ANGPT1: variants seen among roughly 807,000 people sequenced by gnomAD.
ANGPT1 encodes the protein angiopoietin-1.
In ANGPT1, 17 loss-of-function variants were observed where a neutral mutation model predicts 62.2. The observed-to-expected ratio is 0.27, with a 90% CI of 0.19 to 0.41. The LOEUF (loss-of-function observed/expected upper bound fraction) is 0.41, where lower values mean the gene tolerates loss of function less well. Among genes scored for constraint, ANGPT1 ranks in the 10% least tolerant of loss-of-function variants. The pLI is 1.00. For synonymous variants in ANGPT1, 199 were observed against 198.9 expected (o/e 1.00, Z 0.00); for missense variants, 478 against 594.9 (o/e 0.80, Z 2.04).
intron 1 of ANGPT1, among the ~76,000 whole-genome samples, chr8:107,471,487 T>C (rs888390883): frequency 2.6e-5 from 4 of 151,968 alleles, no homozygotes; most frequent in African/African-American, 9.7e-5. Flanking sequence ...AAAACCACCA[T>C]AGCACATGTA....
intron 1 of ANGPT1, among the ~76,000 whole-genome samples, chr8:107,443,807 GA>G (rs1054476417): frequency 8.4e-6 from 1 of 119,084 alleles, no homozygotes; most frequent in Non-Finnish European, 1.7e-5. Flanking sequence ...CAACAAGAGC[GA>G]AACTATGTCT....
At chr8:107,355,123 A>C (rs1196603034) in intron 1 of ANGPT1, among the ~76,000 whole-genome samples, 1 of 151,962 alleles carries the variant, frequency 6.6e-6, no homozygotes, top group African/African-American at 2.4e-5. Context: ...GCTGGTCTCG[A>C]AGTCCTGACC....
At chr8:107,450,390 G>A (rs1024507915) in intron 1 of ANGPT1, among the ~76,000 whole-genome samples, 1 of 151,964 alleles carries the variant, frequency 6.6e-6, no homozygotes, top group Non-Finnish European at 1.5e-5. Flanking sequence ...TGTGTTATGT[G>A]ATAAAGGTGG....
chr8:107,482,237 A>T (rs559862510), intron 1 of ANGPT1, among the ~76,000 whole-genome samples: 1 of 152,276 alleles, frequency 6.6e-6, no homozygotes, highest in East Asian at 1.9e-4. Flanking sequence ...GATTATGTTC[A>T]TTGGGCTGTC....
At chr8:107,406,771 T>C (rs1299689269) in intron 1 of ANGPT1, among the ~76,000 whole-genome samples, 1 of 151,976 alleles carries the variant, frequency 6.6e-6, no homozygotes, top group Non-Finnish European at 1.5e-5. Flanking sequence ...AAATAAATTA[T>C]GTAAAGCACT....
intron 1 of ANGPT1, among the ~76,000 whole-genome samples, chr8:107,426,186 A>G (rs1181447596): frequency 6.6e-6 from 1 of 152,092 alleles, no homozygotes; most frequent in Non-Finnish European, 1.5e-5. Flanking sequence ...CTTGGACACA[A>G]AGGGGCCTGT....
chr8:107,252,092 G>T lies in ANGPT1; in HGVS notation c.1337-77C>A, dbSNP rs1813260488. ...TAAATGGAATATTTGGAAATTAATG[G>T]CATTAAATGATGGGAAACTTGCTTG... On this transcript the variant is annotated intron_variant, in intron 8 of 8. Coordinates refer to ENST00000517746, the MANE Select transcript of ANGPT1 (RefSeq NM_001146.5). 2.7e-6 allele frequency: 4 copies of T among 1,468,904 alleles called. No individual in the cohort carries two copies. In the Admixed American group the frequency reaches 5.7e-5, roughly 21 times the overall value. The allele number at this position is 1,468,904 out of a possible 1,614,324, so 91.0% of individuals were successfully genotyped here. A position where few individuals can be genotyped will look rare whatever the true frequency, so the allele number is the denominator to read the frequency against.
chr8:107,400,336 TA>T (rs1284187426), intron 1 of ANGPT1, among the ~76,000 whole-genome samples: 1 of 152,196 alleles, frequency 6.6e-6, no homozygotes, highest in Non-Finnish European at 1.5e-5. Flanking sequence ...TAGTTCAGTT[TA>T]TTCCCTGCTA....
At chr8:107,281,130 A>C (rs1273718189) in intron 7 of ANGPT1, among the ~76,000 whole-genome samples, 1 of 152,168 alleles carries the variant, frequency 6.6e-6, no homozygotes, top group Non-Finnish European at 1.5e-5. Context: ...AATATGTGTA[A>C]TACATGCACA....
intron 3 of ANGPT1, among the ~76,000 whole-genome samples, chr8:107,330,951 G>C (rs1459677757): frequency 6.6e-6 from 1 of 152,072 alleles, no homozygotes; most frequent in Non-Finnish European, 1.5e-5. Context: ...TAACATTCTA[G>C]TATGTAGGTG....
chr8:107,337,132 T>C (rs1250475542), intron 2 of ANGPT1, among the ~76,000 whole-genome samples: 1 of 152,188 alleles, frequency 6.6e-6, no homozygotes, highest in Non-Finnish European at 1.5e-5. Context: ...ATGAGAAAAC[T>C]GAGCTTCAGA....
chr8:107,394,524 A>G, intron 1 of ANGPT1, among the ~76,000 whole-genome samples: 1 of 152,156 alleles, frequency 6.6e-6, no homozygotes, highest in East Asian at 1.9e-4. Context: ...TTTCAGAGTC[A>G]GAATAAGGAG....
chr8:107,308,400 T>A (rs550298412), intron 4 of ANGPT1, among the ~76,000 whole-genome samples: 1 of 152,312 alleles, frequency 6.6e-6, no homozygotes, highest in African/African-American at 2.4e-5. Flanking sequence ...TTGACCCACT[T>A]ATTCTTGGCA....
intron 2 of ANGPT1, among the ~76,000 whole-genome samples, chr8:107,339,526 C>A (rs1815649396): frequency 6.6e-6 from 1 of 152,098 alleles, no homozygotes; most frequent in Admixed American, 6.5e-5. Flanking sequence ...CCTTTCTGGC[C>A]ACCTTCTTTA....
chr8:107,490,762 C>A (rs1812934445), intron 1 of ANGPT1, among the ~76,000 whole-genome samples: 1 of 152,190 alleles, frequency 6.6e-6, no homozygotes, highest in Non-Finnish European at 1.5e-5. Context: ...CAGCCATAGA[C>A]AACACATAAA....
intron 3 of ANGPT1, among the ~76,000 whole-genome samples, chr8:107,332,733 C>T (rs1815452506): frequency 6.6e-6 from 1 of 152,190 alleles, no homozygotes. Context: ...GTAAGTCCCA[C>T]ACCCAGACAC....
chr8:107,440,137 G>A (rs891306833), intron 1 of ANGPT1, among the ~76,000 whole-genome samples: 2 of 152,292 alleles, frequency 1.3e-5, no homozygotes, highest in South Asian at 2.1e-4. Flanking sequence ...AATATGAAAG[G>A]TCAGGGCAGG....
At chr8:107,483,699 T>C (rs1812744718) in intron 1 of ANGPT1, among the ~76,000 whole-genome samples, 1 of 152,202 alleles carries the variant, frequency 6.6e-6, no homozygotes, top group Non-Finnish European at 1.5e-5. Context: ...CTATTGACTA[T>C]ATTTTATTTT....
chr8:107,264,434 C>CT, intron 7 of ANGPT1, 83 bp from the exon 8 acceptor site: 2 of 1,499,826 alleles, frequency 1.3e-6, no homozygotes, highest in South Asian at 2.6e-5. Flanking sequence ...GAATGTTTGC[C>CT]TTTTTCATCA....
Sources: allele counts gnomAD v4.1 joint callset (sites outside exome capture counted in the v4.1 genomes callset), GRCh38; gene constraint gnomAD v4.1.1; transcripts MANE v1.5; gene names NCBI Gene and HGNC (gene_info 2026-07-23, HGNC 2026-07-21).